The following NT5DC1 variants were observed in gnomAD, a reference collection of about 807,000 sequenced individuals.
The protein encoded by NT5DC1 is 5'-nucleotidase domain containing 1.
NT5DC1 carries 42 observed loss-of-function variants against 59.4 expected under a neutral mutation model. That is an observed-to-expected ratio of 0.71 (90% confidence interval 0.55 to 0.92). The LOEUF is 0.92. Ranked by LOEUF, NT5DC1 falls within the 40% of genes least tolerant of loss-of-function variation. The probability of loss-of-function intolerance (pLI) is 0.00; values close to 1 mark genes in which losing one functional copy is unlikely to be tolerated. For missense variants in NT5DC1, 501 were observed against 537.1 expected, an observed-to-expected ratio of 0.93 and a Z score of 0.66; for synonymous variants, 172 against 188.1, an observed-to-expected ratio of 0.91 and a Z score of 0.70.
rs188960764 is a variant in NT5DC1, at chr6:116,143,946, A to T, written c.529+26001A>T. Among the ~76,000 whole-genome samples the T allele has an allele frequency of 1.2e-4, 18 of 152,340 alleles. No homozygotes were observed. The East Asian group carries it at 3.5e-3, about 29-fold the overall frequency. On this transcript the variant is annotated intron_variant, in intron 6 of 11. Coordinates refer to ENST00000319550, the MANE Select transcript of NT5DC1 (RefSeq NM_152729.3). Reference sequence around the variant, plus strand: ...TGTAATGCTTTATAATAAAGAACTGATGTGAGTAGAATGTCTTAAACCTTT... The same window carrying T: ...TGTAATGCTTTATAATAAAGAACTGTTGTGAGTAGAATGTCTTAAACCTTT...
intron 6 of NT5DC1, among the ~76,000 whole-genome samples, chr6:116,122,613 C>G (rs1779165273): frequency 6.6e-6 from 1 of 152,284 alleles, no homozygotes; most frequent in African/African-American, 2.4e-5. Flanking sequence ...TTTCATAGAG[C>G]TGTGAGTTCA....
At chr6:116,224,916 T>C (rs1329526458) in intron 8 of NT5DC1, among the ~76,000 whole-genome samples, 1 of 152,092 alleles carries the variant, frequency 6.6e-6, no homozygotes, top group Non-Finnish European at 1.5e-5. Flanking sequence ...CCTAGTAAGA[T>C]AACTGTCGTG....
chr6:116,115,059 G>A (rs1202280723), intron 4 of NT5DC1, among the ~76,000 whole-genome samples: 10 of 152,198 alleles, frequency 6.6e-5, no homozygotes, highest in African/African-American at 2.4e-4. Context: ...ATGTGCCAAA[G>A]AAGGGCTCAA....
In NT5DC1 at chr6:116,246,203, A is replaced by T. The variant is rs1015752320; in HGVS notation, c.*2179A>T. 1.3e-5 allele frequency: 2 copies of T among 152,186 alleles called. No individual in the cohort carries two copies. Among genetic ancestry groups the T allele is most frequent in the Non-Finnish European group, 2.9e-5 (2 of 67,998 alleles). The allele number at this position is 152,186 out of a possible 1,614,324, so 9.4% of individuals were successfully genotyped here. A position where few individuals can be genotyped will look rare whatever the true frequency, so the allele number is the denominator to read the frequency against. ...AATATTCGCATACAGGCAAACATTC[A>T]TAATCTAAAGGACACCTAAAAATAG... On this transcript the variant is annotated 3_prime_UTR_variant, in exon 12 of 12. Transcript: ENST00000319550.
At chr6:116,135,310 A>G (rs1779560320) in intron 6 of NT5DC1, among the ~76,000 whole-genome samples, 1 of 152,166 alleles carries the variant, frequency 6.6e-6, no homozygotes, top group Admixed American at 6.5e-5. Flanking sequence ...GGAGAATTGC[A>G]TCAATATCAT....
intron 6 of NT5DC1, chr6:116,145,541 TG>T: frequency 3.6e-6 from 1 of 280,130 alleles, no homozygotes. Flanking sequence ...ACTCCTGTCC[TG>T]CTATTGTCAT....
chr6:116,224,079 A>G (rs370848407), intron 8 of NT5DC1, among the ~76,000 whole-genome samples: 4 of 152,132 alleles, frequency 2.6e-5, no homozygotes, highest in East Asian at 3.9e-4. Flanking sequence ...TTATATAACA[A>G]CCTGGGCCAG....
At chr6:116,167,374 G>A (rs138797339) in intron 6 of NT5DC1, among the ~76,000 whole-genome samples, 3,960 of 151,752 alleles carry the variant, frequency 0.026, 155 homozygotes, top group African/African-American at 0.09. Context: ...CACCACTGCC[G>A]GCTAATTTTT....
At chr6:116,160,764 T>C (rs1007919969) in intron 6 of NT5DC1, among the ~76,000 whole-genome samples, 2 of 152,232 alleles carry the variant, frequency 1.3e-5, no homozygotes, top group African/African-American at 4.8e-5. Flanking sequence ...AGGTCTTACA[T>C]TGAAGCCTTT....
intron 1 of NT5DC1, among the ~76,000 whole-genome samples, chr6:116,104,079 C>T (rs1043367736): frequency 3.9e-5 from 6 of 152,002 alleles, no homozygotes; most frequent in African/African-American, 1.5e-4. Context: ...GTGGTGATAG[C>T]TAAGGCTGGG....
At chr6:116,234,268 A>G (rs1782075284) in intron 8 of NT5DC1, among the ~76,000 whole-genome samples, 1 of 150,654 alleles carries the variant, frequency 6.6e-6, no homozygotes, top group African/African-American at 2.4e-5. Context: ...CCCTTCTAAC[A>G]TATTTTTAAT....
At chr6:116,104,336 A>T (rs371250159) in intron 1 of NT5DC1, among the ~76,000 whole-genome samples, 94 of 152,278 alleles carry the variant, frequency 6.2e-4, no homozygotes, top group African/African-American at 2.2e-3. Flanking sequence ...GGCGTCTCTG[A>T]TGGAAAGGGC....
At chr6:116,182,140 AC>A (rs1183962156) in intron 6 of NT5DC1, among the ~76,000 whole-genome samples, 1 of 151,660 alleles carries the variant, frequency 6.6e-6, no homozygotes, top group Admixed American at 6.6e-5. Flanking sequence ...GAGTTACTTC[AC>A]CTAGAACCTC....
At chr6:116,149,869 CAACA>C (rs1779993677) in intron 6 of NT5DC1, among the ~76,000 whole-genome samples, 1 of 152,198 alleles carries the variant, frequency 6.6e-6, no homozygotes, top group South Asian at 2.1e-4. Flanking sequence ...TTGATTTGCA[CAACA>C]AACCAGCATT....
chr6:116,131,366 T>A (rs559454099), intron 6 of NT5DC1, among the ~76,000 whole-genome samples: 2 of 152,226 alleles, frequency 1.3e-5, no homozygotes, highest in East Asian at 3.8e-4. Flanking sequence ...TTTAAAACAT[T>A]GTTTTGATTT....
At chr6:116,164,616 T>C (rs796804432) in intron 6 of NT5DC1, among the ~76,000 whole-genome samples, 3 of 152,354 alleles carry the variant, frequency 2.0e-5, no homozygotes, top group East Asian at 1.9e-4. Flanking sequence ...TTGCCTAATA[T>C]TGTTAGCTAG....
rs1314555437 is a variant in NT5DC1 at position 116,243,981 on chromosome 6, C to T, written c.1325C>T (p.Pro442Leu). The change falls in exon 12 of 12, where the codon CCT becomes CTT. Residue 442 changes from proline (P) to leucine (L), a missense_variant. Transcript: ENST00000319550. ...NSKTAGYYPN[P>L]PLVLSSDETL... The stretch of plus-strand genomic sequence containing the variant: ...AAAACAGCTGGCTACTATCCAAATC[C>T]TCCACTGGTCTTATCAAGTGATGAG... The T allele has an allele frequency of 3.9e-6, 6 of 1,557,260 alleles. No homozygotes were observed. Among genetic ancestry groups the T allele is most frequent in the Non-Finnish European group, 5.3e-6 (6 of 1,133,640 alleles).
intron 6 of NT5DC1, among the ~76,000 whole-genome samples, chr6:116,220,019 A>G (rs1398515594): frequency 6.6e-6 from 1 of 151,190 alleles, no homozygotes; most frequent in Non-Finnish European, 1.5e-5. Context: ...TATTCTTGAA[A>G]TATAACTGCC....
rs2114569443 is a variant in NT5DC1, at chr6:116,244,946, C to T, written c.*922C>T. ...TGGGGTGAAAAAATATTAGATATGG[C>T]TTGTGGACTTCCAATATCATCCTAT... On this transcript the variant is annotated 3_prime_UTR_variant, in exon 12 of 12. Coordinates refer to ENST00000319550, the MANE Select transcript of NT5DC1 (RefSeq NM_152729.3). 6.6e-6 allele frequency: 1 copy of T among 152,200 alleles called. No homozygotes were observed. The highest frequency in any genetic ancestry group is 2.4e-5 in the African/African-American group (1 of 41,532). 9.4% of individuals were successfully genotyped at this position (152,200 alleles called of 1,614,324 possible).
Sources: allele counts gnomAD v4.1 joint callset (sites outside exome capture counted in the v4.1 genomes callset), GRCh38; gene constraint gnomAD v4.1.1; transcripts MANE v1.5; gene names NCBI Gene and HGNC (gene_info 2026-07-23, HGNC 2026-07-21).